The following SLIT3 variants were observed in gnomAD, a reference collection of about 807,000 sequenced individuals.
SLIT3 encodes the protein slit guidance ligand 3.
In SLIT3, 68 loss-of-function variants were observed where a neutral mutation model predicts 184.0. The observed-to-expected ratio is 0.37, with a 90% CI of 0.30 to 0.45. The LOEUF is 0.45. Among genes scored for constraint, SLIT3 ranks in the 20% least tolerant of loss-of-function variants. SLIT3 has a pLI of 1.00. For synonymous variants in SLIT3, 831 were observed against 828.6 expected (o/e 1.00, Z -0.05); for missense variants, 1,707 against 2,026.0 (o/e 0.84, Z 3.02).
At chr5:169,258,393 C>G (rs937897569) in intron 1 of SLIT3, among the ~76,000 whole-genome samples, 3 of 152,324 alleles carry the variant, frequency 2.0e-5, no homozygotes, top group Admixed American at 2.0e-4. Context: ...TTGCTTCCCC[C>G]ACTCCAGCTA....
intron 3 of SLIT3, among the ~76,000 whole-genome samples, chr5:169,209,951 A>C (rs1764205678): frequency 3.9e-5 from 6 of 152,220 alleles, no homozygotes; most frequent in Admixed American, 3.9e-4. Context: ...ATAATAAAAA[A>C]AAATTATAAA....
intron 4 of SLIT3, chr5:169,026,469 T>G (rs1756827969): frequency 6.6e-6 from 1 of 152,180 alleles, no homozygotes; most frequent in Admixed American, 6.5e-5. Flanking sequence ...GTCCATTCAT[T>G]GTGAACTAAG....
At chr5:168,971,669 G>A (rs1754581827) in intron 4 of SLIT3, among the ~76,000 whole-genome samples, 1 of 152,304 alleles carries the variant, frequency 6.6e-6, no homozygotes, top group South Asian at 2.1e-4. Flanking sequence ...AATATCTGTA[G>A]AGACAAATGC....
chr5:168,870,779 G>A (rs776944601), intron 5 of SLIT3, among the ~76,000 whole-genome samples: 1 of 152,212 alleles, frequency 6.6e-6, no homozygotes, highest in African/African-American at 2.4e-5. Flanking sequence ...TGTCAAAAGA[G>A]GCAATTTAAA....
At chr5:168,805,515 C>T (rs1312452301) in intron 9 of SLIT3, among the ~76,000 whole-genome samples, 1 of 152,170 alleles carries the variant, frequency 6.6e-6, no homozygotes, top group Non-Finnish European at 1.5e-5. Context: ...ACAACTGTCG[C>T]TATTTAAAGA....
chr5:169,231,558 C>A (rs1292017587), intron 3 of SLIT3, among the ~76,000 whole-genome samples: 2 of 152,082 alleles, frequency 1.3e-5, no homozygotes, highest in African/African-American at 4.8e-5. Flanking sequence ...TTTTCTTTTT[C>A]TACCAGTCAA....
intron 4 of SLIT3, among the ~76,000 whole-genome samples, chr5:168,914,322 C>T (rs1423780277): frequency 6.6e-6 from 1 of 152,146 alleles, no homozygotes. Context: ...ATCATAGTCC[C>T]AGAGGAAGGC....
chr5:169,211,710 T>A (rs1199286813), intron 3 of SLIT3, among the ~76,000 whole-genome samples: 1 of 152,224 alleles, frequency 6.6e-6, no homozygotes, highest in Non-Finnish European at 1.5e-5. Context: ...TACATAGGTA[T>A]ACACGTGCCT....
At chr5:168,808,064 A>G (rs2113636137) in intron 8 of SLIT3, among the ~76,000 whole-genome samples, 1 of 152,282 alleles carries the variant, frequency 6.6e-6, no homozygotes, top group East Asian at 1.9e-4. Context: ...AAAAACTGAA[A>G]AAATGGCCTC....
intron 4 of SLIT3, among the ~76,000 whole-genome samples, chr5:169,162,881 C>A (rs1762522849): frequency 6.6e-6 from 1 of 152,188 alleles, no homozygotes; most frequent in Middle Eastern, 3.4e-3. Flanking sequence ...GGATTCACTG[C>A]CAAATCATAA....
At chr5:168,759,732 G>A (rs1561916289) in intron 16 of SLIT3, among the ~76,000 whole-genome samples, 1 of 152,198 alleles carries the variant, frequency 6.6e-6, no homozygotes, top group Non-Finnish European at 1.5e-5. Context: ...TGACTGTGAA[G>A]GCACGGAGAG....
chr5:168,710,850 G>A (rs1401505189), intron 25 of SLIT3, 45 bp downstream of exon 25: 3 of 1,426,450 alleles, frequency 2.1e-6, no homozygotes, highest in Non-Finnish European at 2.8e-6. Flanking sequence ...GAACACAGCA[G>A]ACCCCAAGAG....
chr5:168,762,750 G>C (rs1237686831), intron 14 of SLIT3, 61 bp from the exon 15 acceptor site: 57 of 1,560,140 alleles, frequency 3.7e-5, no homozygotes, highest in Non-Finnish European at 4.6e-5. Context: ...GCCCCAGGTT[G>C]TGGGTAGTGG....
At chr5:169,135,707 G>A (rs1041334198) in intron 4 of SLIT3, among the ~76,000 whole-genome samples, 12 of 152,218 alleles carry the variant, frequency 7.9e-5, no homozygotes, top group South Asian at 2.1e-4. Context: ...TCAGGAAGTC[G>A]CAAAATACTG....
Position 169,198,837 on chromosome 5 carries a change from C to T in SLIT3, c.342-5287G>A, listed in dbSNP as rs543506731. 5.3e-5 allele frequency among the ~76,000 whole-genome samples: 8 copies of T among 152,020 alleles called. No individual in the cohort carries two copies. The South Asian group carries it at 1.5e-3, about 28-fold the overall frequency. On this transcript the variant is annotated intron_variant, in intron 3 of 35. Transcript: ENST00000519560. Reference sequence around the variant, plus strand: ...ATCCCCGCTACTCGGGAGGCTTAGGCAGGAGAATCACTTGAACCCAGGAGG... The same window carrying T: ...ATCCCCGCTACTCGGGAGGCTTAGGTAGGAGAATCACTTGAACCCAGGAGG...
intron 4 of SLIT3, among the ~76,000 whole-genome samples, chr5:169,020,315 G>A (rs535598341): frequency 9.2e-5 from 14 of 152,270 alleles, no homozygotes; most frequent in South Asian, 6.2e-4. Context: ...TCATGTGACT[G>A]AGTTCCATTC....
chr5:168,679,568 G>C lies in SLIT3; in HGVS notation c.3686+4398C>G, dbSNP rs1761517683. ...TTCAGCCTGAAGTCTTAAGGGACTT[G>C]AGGGAGGAAGGGTTTGTTATTCCTC... On this transcript the variant is annotated intron_variant, in intron 32 of 35. Coordinates refer to ENST00000519560, the MANE Select transcript of SLIT3 (RefSeq NM_003062.4). 2.0e-5 allele frequency among the ~76,000 whole-genome samples: 3 copies of C among 152,300 alleles called. No homozygotes were observed. The South Asian group carries it at 6.2e-4, about 32-fold the overall frequency.
chr5:168,767,076 G>A (rs961500034), intron 14 of SLIT3, among the ~76,000 whole-genome samples: 8 of 152,194 alleles, frequency 5.3e-5, no homozygotes, highest in African/African-American at 1.9e-4. Flanking sequence ...CATCTGTAAA[G>A]TGGGACTTTA....
intron 5 of SLIT3, among the ~76,000 whole-genome samples, chr5:168,868,513 G>A (rs1759389131): frequency 6.6e-6 from 1 of 152,248 alleles, no homozygotes; most frequent in African/African-American, 2.4e-5. Context: ...ACTTTGGGAG[G>A]ACAAAGGGGG....
Sources: allele counts gnomAD v4.1 joint callset (sites outside exome capture counted in the v4.1 genomes callset), GRCh38; gene constraint gnomAD v4.1.1; transcripts MANE v1.5; gene names NCBI Gene and HGNC (gene_info 2026-07-23, HGNC 2026-07-21).